The following EYS variants were observed in gnomAD, a reference collection of about 807,000 sequenced individuals.
EYS encodes the protein EGF-like photoreceptor maintenance factor, also known as protein eyes shut homolog.
Under a neutral mutation model 282.1 loss-of-function variants are expected in EYS, and 250 were observed. The ratio of observed to expected loss-of-function variants is 0.89; its 90% confidence interval spans 0.80 to 0.98. EYS has a LOEUF of 0.98. EYS is among the 50% of genes least tolerant of loss of function. EYS has a pLI of 0.00. For synonymous variants in EYS, 1,355 were observed against 1,282.9 expected, an observed-to-expected ratio of 1.06 and a Z score of -1.20; for missense variants, 4,016 against 3,709.0, an observed-to-expected ratio of 1.08 and a Z score of -2.15.
intron 31 of EYS, among the ~76,000 whole-genome samples, chr6:64,199,084 A>G (rs940973863): frequency 3.9e-5 from 6 of 152,194 alleles, no homozygotes; most frequent in African/African-American, 1.2e-4. Context: ...AGCAGTGACT[A>G]CTTTAAATTT....
intron 29 of EYS, among the ~76,000 whole-genome samples, chr6:64,385,976 C>T (rs1228891842): frequency 6.6e-6 from 1 of 152,128 alleles, no homozygotes; most frequent in East Asian, 1.9e-4. Context: ...ATTGCTGATT[C>T]CCAATTCTCA....
intron 12 of EYS, among the ~76,000 whole-genome samples, chr6:65,096,796 T>C (rs1441809879): frequency 6.6e-6 from 1 of 150,986 alleles, no homozygotes; most frequent in Admixed American, 6.6e-5. Flanking sequence ...GATATTTACA[T>C]GCAAAATAAT....
chr6:64,126,714 G>C (rs1308662042), intron 31 of EYS, among the ~76,000 whole-genome samples: 7 of 151,922 alleles, frequency 4.6e-5, no homozygotes, highest in African/African-American at 1.5e-4. Flanking sequence ...CAATCATTTA[G>C]GTCCTTGTCA....
intron 2 of EYS, among the ~76,000 whole-genome samples, chr6:65,507,023 C>T (rs1766685738): frequency 1.3e-5 from 2 of 151,978 alleles, no homozygotes; most frequent in East Asian, 1.9e-4. Flanking sequence ...TTTATTTATT[C>T]CTTCTCTGTC....
chr6:65,293,123 T>C (rs929656800), intron 12 of EYS, among the ~76,000 whole-genome samples: 18 of 151,370 alleles, frequency 1.2e-4, no homozygotes, highest in African/African-American at 4.4e-4. Context: ...ATCAAGACAA[T>C]CATAAGAAAA....
chr6:64,553,321 T>G (rs1039921668), intron 26 of EYS, among the ~76,000 whole-genome samples: 2 of 152,176 alleles, frequency 1.3e-5, no homozygotes, highest in African/African-American at 4.8e-5. Context: ...ATTAATATCT[T>G]ACATCAAATT....
chr6:64,612,547 T>A (rs1767146562), intron 24 of EYS, among the ~76,000 whole-genome samples: 1 of 152,136 alleles, frequency 6.6e-6, no homozygotes, highest in African/African-American at 2.4e-5. Context: ...TTGGAATCAC[T>A]TTTGTAATTG....
Position 65,016,247 on chromosome 6 carries a change from A to T in EYS, c.2138-18544T>A, listed in dbSNP as rs1462479811. Among the ~76,000 whole-genome samples the T allele has an allele frequency of 3.3e-5, 5 of 151,988 alleles. No individual in the cohort carries two copies. The East Asian group carries it at 9.6e-4, about 29-fold the overall frequency. ...TATTTTTCCTCTAATTGAAATTTGC[A>T]TCAAACTAGTACGTTACTTTCAAAT... On this transcript the variant is annotated intron_variant, in intron 13 of 42. Transcript: ENST00000503581.
At chr6:63,897,839 G>C (rs1388194435) in intron 35 of EYS, among the ~76,000 whole-genome samples, 1 of 152,134 alleles carries the variant, frequency 6.6e-6, no homozygotes, top group African/African-American at 2.4e-5. Flanking sequence ...TATACACCAG[G>C]GTATGGTGCT....
At chr6:65,649,837 C>T (rs924900419) in intron 1 of EYS, among the ~76,000 whole-genome samples, 4 of 152,070 alleles carry the variant, frequency 2.6e-5, no homozygotes, top group Non-Finnish European at 5.9e-5. Flanking sequence ...CAAAAGTCAC[C>T]TGTAGATGAC....
At chr6:64,730,998 A>C (rs557868944) in intron 22 of EYS, 6 of 152,328 alleles carry the variant, frequency 3.9e-5, no homozygotes, top group African/African-American at 1.2e-4. Flanking sequence ...TTCATCTTGG[A>C]GAAAAGAAAA....
chr6:64,362,425 C>T (rs1222407904), intron 29 of EYS, among the ~76,000 whole-genome samples: 3 of 151,852 alleles, frequency 2.0e-5, no homozygotes, highest in South Asian at 4.1e-4. Flanking sequence ...ATGTTGAAGA[C>T]TTCTTTCTTT....
chr6:64,508,701 G>A (rs13218626), intron 26 of EYS, among the ~76,000 whole-genome samples: 53,215 of 151,080 alleles, frequency 0.35, 9,422 homozygotes, highest in East Asian at 0.47. Flanking sequence ...TGAGGACTCC[G>A]AAGAGCTTTG....
rs551736345 is a variant in EYS, at chr6:63,834,973, G to A, written c.7229-28601C>T. 5.5e-5 allele frequency among the ~76,000 whole-genome samples: 8 copies of A among 145,048 alleles called. No individual in the cohort carries two copies. The South Asian group carries it at 6.5e-4, about 12-fold the overall frequency. On this transcript the variant is annotated intron_variant, in intron 36 of 42. Transcript: ENST00000503581. ...AAGGACAGAAAAACAAACACCACAC[G>A]TTCTCACTCATAGGTGGGAATTGAA...
chr6:63,990,466 A>G lies in EYS; in HGVS notation c.6835-5863T>C, dbSNP rs1767555030. Among the ~76,000 whole-genome samples, 3 of 151,776 alleles carry G rather than the reference A, an allele frequency of 2.0e-5. No homozygotes were observed. In the South Asian group the frequency reaches 6.2e-4, roughly 31 times the overall value. On this transcript the variant is annotated intron_variant, in intron 34 of 42. Transcript: ENST00000503581. ...CTTCCAGTTTTGCCTTGGGAAAAGA[A>G]ATAGAAAACTAAAACATGTCCAGCA... is the stretch of plus-strand genomic sequence containing the variant.
At chr6:64,327,638 G>T (rs559383872) in intron 29 of EYS, among the ~76,000 whole-genome samples, 63 of 152,254 alleles carry the variant, frequency 4.1e-4, no homozygotes, top group African/African-American at 1.5e-3. Flanking sequence ...CTGCAGGCCT[G>T]CTTTGAGACC....
intron 18 of EYS, among the ~76,000 whole-genome samples, chr6:64,894,427 T>A (rs1767389339): frequency 6.6e-6 from 1 of 152,120 alleles, no homozygotes; most frequent in South Asian, 2.1e-4. Context: ...AGAGGCTAAC[T>A]GATGACGGGG....
chr6:65,492,296 A>G (rs906137326), intron 4 of EYS, among the ~76,000 whole-genome samples: 31 of 149,214 alleles, frequency 2.1e-4, no homozygotes, highest in Admixed American at 2.7e-4. Flanking sequence ...TATGGCTGTA[A>G]GAAAGAGAAA....
At chr6:65,126,893 G>A (rs893360058) in intron 12 of EYS, among the ~76,000 whole-genome samples, 3 of 152,048 alleles carry the variant, frequency 2.0e-5, no homozygotes, top group Non-Finnish European at 2.9e-5. Flanking sequence ...CAGCTAACAG[G>A]TGACACCCTG....
Sources: allele counts gnomAD v4.1 joint callset (sites outside exome capture counted in the v4.1 genomes callset), GRCh38; gene constraint gnomAD v4.1.1; transcripts MANE v1.5; gene names NCBI Gene and HGNC (gene_info 2026-07-23, HGNC 2026-07-21).